Variants in HAS2 observed in about 807,000 individuals in gnomAD.
The protein encoded by HAS2 is HA synthase 2.
In HAS2, 16 loss-of-function variants were observed where a neutral mutation model predicts 51.6. That is an observed-to-expected ratio of 0.31 (90% CI 0.21 to 0.47). The LOEUF (loss-of-function observed/expected upper bound fraction) is 0.47. HAS2 is among the 20% of genes least tolerant of loss of function. The pLI is 1.00. For missense variants in HAS2, 361 were observed against 662.6 expected (o/e 0.54, Z 5.00); for synonymous variants, 228 against 235.5 (o/e 0.97, Z 0.29).
intron 1 of HAS2, among the ~76,000 whole-genome samples, chr8:121,637,486 G>A (rs1053708433): frequency 6.7e-6 from 1 of 148,626 alleles, no homozygotes; most frequent in Admixed American, 6.8e-5. Flanking sequence ...CACCTCCCGA[G>A]TTCAAGAAAT....
intron 1 of HAS2, among the ~76,000 whole-genome samples, chr8:121,632,468 T>TA: frequency 6.6e-6 from 1 of 152,292 alleles, no homozygotes; most frequent in Non-Finnish European, 1.5e-5. Flanking sequence ...TATTTAAAAT[T>TA]AAAATTTTAA....
At chr8:121,638,197 C>T (rs1443006428) in intron 1 of HAS2, among the ~76,000 whole-genome samples, 1 of 152,138 alleles carries the variant, frequency 6.6e-6, no homozygotes, top group Non-Finnish European at 1.5e-5. Context: ...TTATGAAATT[C>T]AATACTATGG....
intron 2 of HAS2, among the ~76,000 whole-genome samples, chr8:121,620,180 T>C (rs1165473720): frequency 6.6e-6 from 1 of 152,168 alleles, no homozygotes; most frequent in Non-Finnish European, 1.5e-5. Flanking sequence ...TGTTTGGTGA[T>C]AGAATGCCAG....
intron 2 of HAS2, among the ~76,000 whole-genome samples, chr8:121,622,717 A>G (rs1251902436): frequency 6.6e-6 from 1 of 151,830 alleles, no homozygotes; most frequent in African/African-American, 2.4e-5. Flanking sequence ...CCAAAGCTCT[A>G]GTGCATGTTC....
intron 2 of HAS2, among the ~76,000 whole-genome samples, chr8:121,620,597 T>A (rs1255374708): frequency 6.6e-6 from 1 of 152,214 alleles, no homozygotes; most frequent in African/African-American, 2.4e-5. Flanking sequence ...AGTCACCAAC[T>A]TTTGAGTAAA....
chr8:121,629,899 T>C (rs1299135866), intron 1 of HAS2, among the ~76,000 whole-genome samples: 1 of 152,192 alleles, frequency 6.6e-6, no homozygotes, highest in Non-Finnish European at 1.5e-5. Context: ...GTTCTAGTAC[T>C]AGCTCATTAA....
chr8:121,618,580 AG>A (rs993122283), intron 2 of HAS2, among the ~76,000 whole-genome samples: 6 of 152,322 alleles, frequency 3.9e-5, no homozygotes, highest in African/African-American at 1.2e-4. Context: ...ATAGAAAAAA[AG>A]TAGGAAAAAA....
chr8:121,636,515 C>T (rs967268846), intron 1 of HAS2, among the ~76,000 whole-genome samples: 2 of 152,114 alleles, frequency 1.3e-5, no homozygotes, highest in Non-Finnish European at 2.9e-5. Flanking sequence ...AGTATACAAG[C>T]CTTTTTTACA....
chr8:121,622,225 A>G (rs1480496193), intron 2 of HAS2, among the ~76,000 whole-genome samples: 1 of 152,148 alleles, frequency 6.6e-6, no homozygotes, highest in African/African-American at 2.4e-5. Context: ...TTCCACAAAT[A>G]CTTACTTAGT....
intron 3 of HAS2, among the ~76,000 whole-genome samples, chr8:121,615,633 T>C (rs536888645): frequency 0.033 from 4,194 of 128,970 alleles, 223 homozygotes; most frequent in African/African-American, 0.11. Context: ...AAATTGAGAT[T>C]TTTTTTTTTT....
Position 121,628,241 on chromosome 8 carries a change from A to C in HAS2, c.627+473T>G, listed in dbSNP as rs184503272. Among the ~76,000 whole-genome samples, 256 of 150,780 alleles carry C rather than the reference A, an allele frequency of 1.7e-3. 1 individual carries two copies. The highest frequency in any genetic ancestry group is 5.4e-3 in the African/African-American group (222 of 40,968). On this transcript the variant is annotated intron_variant, in intron 2 of 3. Coordinates refer to ENST00000303924, the MANE Select transcript of HAS2 (RefSeq NM_005328.3). ...TCTCTTTTAAATGAAAATTGTTCTC[A>C]CCACCCTCATTTTGCCTCATTTTGC...
chr8:121,615,419 C>T (rs1345396101), intron 3 of HAS2, among the ~76,000 whole-genome samples: 1 of 152,176 alleles, frequency 6.6e-6, no homozygotes, highest in Non-Finnish European at 1.5e-5. Context: ...TCACTGCAAC[C>T]TCCGCCTTCC....
chr8:121,620,434 A>C (rs147595825), intron 2 of HAS2, among the ~76,000 whole-genome samples: 2 of 152,326 alleles, frequency 1.3e-5, no homozygotes, highest in East Asian at 3.9e-4. Flanking sequence ...ACTGAACCTC[A>C]CATAAGGAAA....
chr8:121,614,061 G>A lies in HAS2; in HGVS notation c.*48C>T. On this transcript the variant is annotated 3_prime_UTR_variant, in exon 4 of 4. Transcript: ENST00000303924. The surrounding 1 kb of genome is among the most constrained non-coding windows in gnomAD (Gnocchi z 7.2). The stretch of plus-strand genomic sequence containing the variant: ...ATGCCACAATACTGTACAGCCCCTA[G>A]AGGAACTAAGGTGTTGTGTGTGACT... 6.2e-7 allele frequency: 1 copy of A among 1,612,838 alleles called. No homozygotes were observed. Among genetic ancestry groups the A allele is most frequent in the Non-Finnish European group, 8.5e-7 (1 of 1,179,822 alleles).
At chr8:121,633,628 C>T (rs1302583535) in intron 1 of HAS2, among the ~76,000 whole-genome samples, 3 of 152,134 alleles carry the variant, frequency 2.0e-5, no homozygotes, top group Non-Finnish European at 4.4e-5. Flanking sequence ...AGCAATTCTG[C>T]TCCTAATGCC....
At chr8:121,629,686 C>T (rs1812903311) in intron 1 of HAS2, among the ~76,000 whole-genome samples, 1 of 152,152 alleles carries the variant, frequency 6.6e-6, no homozygotes. Flanking sequence ...TGGTCATAGC[C>T]AGGCAGGGAC....
intron 2 of HAS2, among the ~76,000 whole-genome samples, chr8:121,624,029 C>T (rs775572057): frequency 4.2e-4 from 64 of 152,160 alleles, no homozygotes; most frequent in Non-Finnish European, 7.6e-4. Context: ...TCCTCCGAAC[C>T]TCTGGCCACA....
chr8:121,632,344 C>T (rs1812945410), intron 1 of HAS2, among the ~76,000 whole-genome samples: 1 of 152,082 alleles, frequency 6.6e-6, no homozygotes, highest in Non-Finnish European at 1.5e-5. Context: ...AGCATACTCT[C>T]CTTGTCAGAC....
chr8:121,639,616 G>A (rs2130457221), intron 1 of HAS2: 1 of 152,920 alleles, frequency 6.5e-6, no homozygotes, highest in Middle Eastern at 3.4e-3. Context: ...TGTGCTCCCA[G>A]CGCCTCTTTG....
Sources: allele counts gnomAD v4.1 joint callset (sites outside exome capture counted in the v4.1 genomes callset), GRCh38; gene constraint gnomAD v4.1.1; non-coding constraint Gnocchi (gnomAD v3.1); transcripts MANE v1.5; gene names NCBI Gene and HGNC (gene_info 2026-07-23, HGNC 2026-07-21).